Variants in STT3B observed in about 807,000 individuals in gnomAD.
STT3B encodes STT3 oligosaccharyltransferase complex catalytic subunit B.
Under a neutral mutation model 96.8 loss-of-function variants are expected in STT3B, and 29 were observed. The ratio of observed to expected loss-of-function variants is 0.30; its 90% CI spans 0.22 to 0.41. The LOEUF is 0.41. STT3B is among the 10% of genes least tolerant of loss of function. The probability of loss-of-function intolerance (pLI) is 1.00; values close to 1 mark genes in which losing one functional copy is unlikely to be tolerated. For missense variants in STT3B, 640 were observed against 1,022.3 expected (o/e 0.63, Z 5.10); for synonymous variants, 367 against 360.0 (o/e 1.02, Z -0.22).
chr3:31,628,277 T>C (rs1699578309), intron 13 of STT3B, among the ~76,000 whole-genome samples: 1 of 152,162 alleles, frequency 6.6e-6, no homozygotes, highest in Non-Finnish European at 1.5e-5. Context: ...CTTGTGATTC[T>C]TAACTTCTAG....
At chr3:31,614,957 C>T in intron 5 of STT3B, 148 bp from the exon 6 acceptor site, 1 of 492,244 alleles carries the variant, frequency 2.0e-6, no homozygotes, top group South Asian at 3.2e-5. Flanking sequence ...ATATGGTTAA[C>T]AAATGGACAT....
intron 1 of STT3B, among the ~76,000 whole-genome samples, chr3:31,561,346 T>C (rs1483947200): frequency 1.3e-5 from 2 of 152,192 alleles, no homozygotes; most frequent in African/African-American, 4.8e-5. Context: ...TATTTTGATA[T>C]AGACTTACAA....
At chr3:31,592,996 G>A (rs73824198) in intron 3 of STT3B, among the ~76,000 whole-genome samples, 4,662 of 152,210 alleles carry the variant, frequency 0.031, 259 homozygotes, top group African/African-American at 0.11. Flanking sequence ...AGCAATCAGT[G>A]AGCAGAGTGC....
intron 3 of STT3B, among the ~76,000 whole-genome samples, chr3:31,581,625 G>A (rs746756785): frequency 6.6e-6 from 1 of 152,130 alleles, no homozygotes; most frequent in Non-Finnish European, 1.5e-5. Flanking sequence ...TTATGCATCT[G>A]TGTTCATAAG....
chr3:31,610,346 C>T (rs967962992), intron 5 of STT3B, among the ~76,000 whole-genome samples: 1 of 152,048 alleles, frequency 6.6e-6, no homozygotes, highest in East Asian at 1.9e-4. Context: ...CAAAGCAATT[C>T]AAAAATGCTA....
chr3:31,550,669 C>T (rs920840535), intron 1 of STT3B, among the ~76,000 whole-genome samples: 18 of 152,162 alleles, frequency 1.2e-4, no homozygotes, highest in Non-Finnish European at 2.2e-4. Context: ...TTGAGCATAA[C>T]TCTCTCATGA....
chr3:31,554,530 T>G (rs1170273044), intron 1 of STT3B, among the ~76,000 whole-genome samples: 2 of 151,852 alleles, frequency 1.3e-5, no homozygotes, highest in African/African-American at 2.4e-5. Flanking sequence ...TAGTCTGAAT[T>G]TCCCAAAACC....
At chr3:31,632,055 T>C (rs1164068782) in intron 14 of STT3B, among the ~76,000 whole-genome samples, 1 of 151,784 alleles carries the variant, frequency 6.6e-6, no homozygotes, top group African/African-American at 2.4e-5. Context: ...AAGATCTTGC[T>C]ATGTTGCCCA....
chr3:31,608,816 A>G (rs932308707), intron 5 of STT3B, among the ~76,000 whole-genome samples: 1 of 152,198 alleles, frequency 6.6e-6, no homozygotes, highest in Non-Finnish European at 1.5e-5. Flanking sequence ...AGTAGTCGAC[A>G]ATAAGAAAAG....
chr3:31,536,365 A>C (rs976615025), intron 1 of STT3B, among the ~76,000 whole-genome samples: 1 of 152,204 alleles, frequency 6.6e-6, no homozygotes, highest in African/African-American at 2.4e-5. Context: ...GACCTTTAAT[A>C]ATATTTAAAT....
intron 1 of STT3B, among the ~76,000 whole-genome samples, chr3:31,555,956 A>G (rs917038979): frequency 1.4e-4 from 21 of 152,086 alleles, no homozygotes; most frequent in African/African-American, 4.1e-4. Flanking sequence ...GTTGCTAGCT[A>G]TGGTCACCCT....
In STT3B at chr3:31,622,224, G is replaced by C. The variant is rs767831091; in HGVS notation, c.1455G>C (p.Gly485=). The change falls in exon 10 of 16, where the codon GGG becomes GGC. Residue 485 remains glycine, a synonymous_variant. Coordinates refer to ENST00000295770, the MANE Select transcript of STT3B (RefSeq NM_178862.3). The part of the protein sequence containing the change: ...AFSNVFEHYL[G]DDMKRENPPV... Reference sequence around the variant, plus strand: ...CAAATGTTTTTGAGCACTATTTGGGGGATGACATGAAAAGGGAAAATCCAC... The same window carrying C: ...CAAATGTTTTTGAGCACTATTTGGGCGATGACATGAAAAGGGAAAATCCAC... 5.6e-6 allele frequency: 9 copies of C among 1,613,964 alleles called. No homozygotes were observed. Among genetic ancestry groups the C allele is most frequent in the Non-Finnish European group, 7.6e-6 (9 of 1,179,974 alleles).
chr3:31,633,177 A>G, intron 15 of STT3B, 30 bp downstream of exon 15: 2 of 1,589,106 alleles, frequency 1.3e-6, no homozygotes, highest in Non-Finnish European at 1.7e-6. Flanking sequence ...ATTAAAGGGT[A>G]ACTTAAGGTG....
rs529442285 is a variant in STT3B at position 31,636,072 on chromosome 3, G to C, written c.*8G>C. ...TCTAAGAAGACTGTTTAAATGCACTGTTCTGGTTCCTAACTTGAAGCAGTT... is the reference window on the plus strand; with the variant it reads ...TCTAAGAAGACTGTTTAAATGCACTCTTCTGGTTCCTAACTTGAAGCAGTT... On this transcript the variant is annotated 3_prime_UTR_variant, in exon 16 of 16. Coordinates refer to ENST00000295770, the MANE Select transcript of STT3B (RefSeq NM_178862.3). 5.2e-5 allele frequency: 82 copies of C among 1,587,622 alleles called. No homozygotes were observed. The Middle Eastern group carries it at 6.7e-4, about 13-fold the overall frequency.
At chr3:31,568,793 T>A (rs919689605) in intron 1 of STT3B, among the ~76,000 whole-genome samples, 3 of 152,234 alleles carry the variant, frequency 2.0e-5, no homozygotes, top group African/African-American at 7.2e-5. Flanking sequence ...AAACCAAATG[T>A]ATCAAATGAT....
intron 1 of STT3B, among the ~76,000 whole-genome samples, chr3:31,569,942 A>T (rs894343446): frequency 1.3e-5 from 2 of 152,072 alleles, no homozygotes; most frequent in African/African-American, 2.4e-5. Flanking sequence ...ATGTATAGAT[A>T]ATAAGCTATA....
chr3:31,545,814 GTTT>G (rs11350127), intron 1 of STT3B, among the ~76,000 whole-genome samples: 9 of 138,114 alleles, frequency 6.5e-5, no homozygotes, highest in African/African-American at 7.8e-5. Flanking sequence ...ATTAGGAGTG[GTTT>G]TTTTTTTTTT....
In STT3B at chr3:31,564,261, A is replaced by G. The variant is rs1026406809; in HGVS notation, c.315-12135A>G. ...CGACAGTTGTGTAAAAATGCTTTAA[A>G]ATTGGGTCATATATAAAATAGTTCA... On this transcript the variant is annotated intron_variant, in intron 1 of 15. Coordinates refer to ENST00000295770, the MANE Select transcript of STT3B (RefSeq NM_178862.3). 2.0e-5 allele frequency among the ~76,000 whole-genome samples: 3 copies of G among 152,206 alleles called. No individual in the cohort carries two copies. In the East Asian group the frequency reaches 5.8e-4, roughly 29 times the overall value.
chr3:31,555,194 T>A (rs1019972935), intron 1 of STT3B, among the ~76,000 whole-genome samples: 4 of 152,176 alleles, frequency 2.6e-5, no homozygotes, highest in Non-Finnish European at 4.4e-5. Flanking sequence ...TGGCAAGATG[T>A]TTAGGAATGC....
Sources: allele counts gnomAD v4.1 joint callset (sites outside exome capture counted in the v4.1 genomes callset), GRCh38; gene constraint gnomAD v4.1.1; transcripts MANE v1.5; gene names NCBI Gene and HGNC (gene_info 2026-07-23, HGNC 2026-07-21).